ARL15: variants seen among roughly 807,000 people sequenced by gnomAD.
The protein encoded by ARL15 is ADP-ribosylation factor-like protein 15.
In ARL15, 19 loss-of-function variants were observed where a neutral mutation model predicts 25.2. That is an observed-to-expected ratio of 0.75 (90% CI 0.53 to 1.10). The LOEUF (loss-of-function observed/expected upper bound fraction) is 1.10. ARL15 is among the 50% of genes least tolerant of loss of function. The pLI, the probability that ARL15 is intolerant of heterozygous loss-of-function variation, is 0.00. For missense variants in ARL15, 220 were observed against 246.0 expected, an observed-to-expected ratio of 0.89 and a Z score of 0.71; for synonymous variants, 94 against 86.8, an observed-to-expected ratio of 1.08 and a Z score of -0.46.
intron 4 of ARL15, among the ~76,000 whole-genome samples, chr5:54,067,729 T>C (rs3822496): frequency 0.27 from 41,584 of 152,108 alleles, 7,356 homozygotes; most frequent in African/African-American, 0.51. Flanking sequence ...AAACAGCACA[T>C]TGCCTGGCAC....
chr5:54,025,768 C>T (rs1749772461), intron 4 of ARL15, among the ~76,000 whole-genome samples: 1 of 152,168 alleles, frequency 6.6e-6, no homozygotes. Context: ...ATATTTTATG[C>T]TACTAGAGCA....
chr5:54,127,582 G>A lies in ARL15; in HGVS notation c.254-14172C>T, dbSNP rs546828815. On this transcript the variant is annotated intron_variant, in intron 3 of 4. Coordinates refer to ENST00000504924, the MANE Select transcript of ARL15 (RefSeq NM_019087.3). ...TAGGAAGAATCAATATCATGAAAAT[G>A]GCCATACTGCCCAAGGTAATTTATA... 3.9e-3 allele frequency among the ~76,000 whole-genome samples: 595 copies of A among 151,770 alleles called. 4 individuals are homozygous for A. The highest frequency in any genetic ancestry group is 0.012 in the African/African-American group (499 of 41,390).
At chr5:54,302,458 A>G (rs910706287) in intron 1 of ARL15, among the ~76,000 whole-genome samples, 11 of 152,116 alleles carry the variant, frequency 7.2e-5, no homozygotes, top group African/African-American at 2.7e-4. Context: ...AGGTGATCCA[A>G]GGAAAACACT....
At chr5:54,260,682 G>A (rs1259540229) in intron 1 of ARL15, among the ~76,000 whole-genome samples, 1 of 152,086 alleles carries the variant, frequency 6.6e-6, no homozygotes, top group East Asian at 1.9e-4. Context: ...ATCTCAAGAG[G>A]GCAGAGTGCT....
chr5:54,031,111 A>G (rs530893969), intron 4 of ARL15, among the ~76,000 whole-genome samples: 2 of 152,194 alleles, frequency 1.3e-5, no homozygotes, highest in Admixed American at 6.5e-5. Context: ...GTCTAAGATC[A>G]TGGTTAGAAG....
chr5:54,170,252 CT>C (rs1754677023), intron 2 of ARL15, among the ~76,000 whole-genome samples: 1 of 152,162 alleles, frequency 6.6e-6, no homozygotes, highest in South Asian at 2.1e-4. Context: ...CTTCTTCCCC[CT>C]GTAACTGCCT....
chr5:54,231,738 C>A (rs1756677560), intron 1 of ARL15, among the ~76,000 whole-genome samples: 2 of 152,150 alleles, frequency 1.3e-5, no homozygotes, highest in African/African-American at 4.8e-5. Flanking sequence ...ATTACTTTGT[C>A]CTCACATGGC....
intron 4 of ARL15, among the ~76,000 whole-genome samples, chr5:54,035,128 A>T (rs925805532): frequency 6.6e-6 from 1 of 152,184 alleles, no homozygotes; most frequent in African/African-American, 2.4e-5. Flanking sequence ...AGTTATTTAA[A>T]TTTTTAAAAT....
intron 4 of ARL15, among the ~76,000 whole-genome samples, chr5:53,938,590 C>A (rs191861470): frequency 6.6e-6 from 1 of 152,188 alleles, no homozygotes; most frequent in Non-Finnish European, 1.5e-5. Flanking sequence ...ACTTGGGAGA[C>A]CAAGACAGGC....
intron 4 of ARL15, among the ~76,000 whole-genome samples, chr5:54,101,011 T>G (rs543189181): frequency 2.0e-4 from 31 of 152,170 alleles, no homozygotes; most frequent in South Asian, 8.3e-4. Flanking sequence ...GGGATCCAAA[T>G]GAAAATGATA....
chr5:54,186,302 G>A (rs917584469), intron 1 of ARL15, among the ~76,000 whole-genome samples: 3 of 152,176 alleles, frequency 2.0e-5, no homozygotes, highest in Non-Finnish European at 2.9e-5. Flanking sequence ...CAACACACGT[G>A]CCAGACAGAT....
chr5:54,015,942 T>C lies in ARL15; in HGVS notation c.462+97260A>G, dbSNP rs115639661. On this transcript the variant is annotated intron_variant, in intron 4 of 4. Coordinates refer to ENST00000504924, the MANE Select transcript of ARL15 (RefSeq NM_019087.3). ...TACCAGAGAGACTTTATCTGCATAA[T>C]AATACAACTTTTATTCACCATACAG... 6.3e-3 allele frequency among the ~76,000 whole-genome samples: 955 copies of C among 152,348 alleles called. 4 individuals are homozygous for C. The highest frequency in any genetic ancestry group is 0.011 in the Admixed American group (172 of 15,308).
chr5:53,972,702 C>T (rs1014839496), intron 4 of ARL15, among the ~76,000 whole-genome samples: 73 of 152,090 alleles, frequency 4.8e-4, no homozygotes, highest in African/African-American at 1.7e-3. Context: ...ACAGGTTTAC[C>T]GAGATCACCG....
At chr5:53,953,011 CA>C (rs1747027335) in intron 4 of ARL15, among the ~76,000 whole-genome samples, 1 of 152,158 alleles carries the variant, frequency 6.6e-6, no homozygotes, top group Admixed American at 6.5e-5. Flanking sequence ...TAAACTTCTG[CA>C]AATGTTCACT....
At chr5:54,310,314 G>T in intron 1 of ARL15, 118 bp downstream of exon 1, 1 of 1,173,508 alleles carries the variant, frequency 8.5e-7, no homozygotes, top group Non-Finnish European at 1.2e-6. Context: ...GCGGGAGAAA[G>T]AACCCCAGAG....
intron 4 of ARL15, among the ~76,000 whole-genome samples, chr5:54,051,512 T>C (rs921856641): frequency 6.6e-5 from 10 of 152,180 alleles, no homozygotes; most frequent in African/African-American, 2.2e-4. Flanking sequence ...ATCTTAGTTT[T>C]TAAAAGTGAG....
At chr5:54,118,831 C>G (rs3756484) in intron 3 of ARL15, among the ~76,000 whole-genome samples, 29 of 152,070 alleles carry the variant, frequency 1.9e-4, no homozygotes, top group Admixed American at 1.4e-3. Context: ...AAATGGCATG[C>G]CTCCCAGGAG....
chr5:54,009,533 T>C (rs1160198434), intron 4 of ARL15, among the ~76,000 whole-genome samples: 1 of 151,954 alleles, frequency 6.6e-6, no homozygotes, highest in Non-Finnish European at 1.5e-5. Flanking sequence ...TCAAAAAACA[T>C]TGCCCTGAAC....
At chr5:53,979,054 T>C (rs923576614) in intron 4 of ARL15, among the ~76,000 whole-genome samples, 1 of 152,228 alleles carries the variant, frequency 6.6e-6, no homozygotes, top group Non-Finnish European at 1.5e-5. Context: ...ATTCTCATTT[T>C]ACTCTGTGGG....
Sources: gnomAD v4.1 joint callset for allele counts (sites outside exome capture counted in the v4.1 genomes callset) on GRCh38, gnomAD v4.1.1 for gene constraint, MANE v1.5 for transcripts, NCBI Gene and HGNC (gene_info 2026-07-23, HGNC 2026-07-21) for gene names.